The following SPTLC2 variants were observed in gnomAD, a reference collection of about 807,000 sequenced individuals.
The protein encoded by SPTLC2 is serine palmitoyltransferase long chain base subunit 2.
SPTLC2 carries 21 observed loss-of-function variants against 62.0 expected under a neutral mutation model. The observed-to-expected ratio is 0.34, with a 90% CI of 0.24 to 0.49. The LOEUF is 0.49. Among genes scored for constraint, SPTLC2 ranks in the 20% least tolerant of loss-of-function variants. The probability of loss-of-function intolerance (pLI) is 0.99; values close to 1 mark genes in which losing one functional copy is unlikely to be tolerated. For synonymous variants in SPTLC2, 261 were observed against 261.8 expected (o/e 1.00, Z 0.03); for missense variants, 511 against 713.0 (o/e 0.72, Z 3.23).
chr14:77,522,061 G>A lies in SPTLC2; in HGVS notation c.1304-480C>T, dbSNP rs144846547. The stretch of plus-strand genomic sequence containing the variant: ...AAGATTCATTCTAATTAACTGTGCT[G>A]CAAATAAATTTTACACATAAGACCA... On this transcript the variant is annotated intron_variant, in intron 9 of 11. Coordinates refer to ENST00000216484, the MANE Select transcript of SPTLC2 (RefSeq NM_004863.4). Among the ~76,000 whole-genome samples, 702 of 152,312 alleles carry A rather than the reference G, an allele frequency of 4.6e-3. 1 individual carries two copies. The highest frequency in any genetic ancestry group is 7.8e-3 in the Non-Finnish European group (529 of 68,022).
At chr14:77,585,847 G>A (rs2079777999) in intron 2 of SPTLC2, among the ~76,000 whole-genome samples, 1 of 152,090 alleles carries the variant, frequency 6.6e-6, no homozygotes, top group Non-Finnish European at 1.5e-5. Flanking sequence ...TTTCTCACTA[G>A]GACATCCACT....
chr14:77,539,472 A>G (rs1435240845), intron 9 of SPTLC2, among the ~76,000 whole-genome samples: 1 of 136,408 alleles, frequency 7.3e-6, no homozygotes, highest in African/African-American at 2.6e-5. Flanking sequence ...TGAAAATTTT[A>G]TCTTAAGAGG....
Position 77,512,334 on chromosome 14 carries a change from G to A in SPTLC2, c.1639C>T (p.Leu547=). The A allele has an allele frequency of 6.2e-7, 1 of 1,614,216 alleles. No individual in the cohort carries two copies. The highest frequency in any genetic ancestry group is 8.5e-7 in the Non-Finnish European group (1 of 1,180,046). ...GTCTCGTCAAAGGGCCTGTCCAGTA[G>A]AGGTACCAACCGATGACGGGAATAC... ...LKYSRHRLVP[L]LDRPFDETTY... is the part of the protein sequence containing the mutation. Residue 547 remains leucine, a synonymous_variant, in exon 12 of 12, where the codon CTA becomes TTA. Coordinates refer to ENST00000216484, the MANE Select transcript of SPTLC2 (RefSeq NM_004863.4).
intron 9 of SPTLC2, among the ~76,000 whole-genome samples, chr14:77,533,501 G>A (rs2079452008): frequency 6.6e-6 from 1 of 152,084 alleles, no homozygotes; most frequent in African/African-American, 2.4e-5. Context: ...AGAATGTTTT[G>A]ACTTCATTTT....
chr14:77,560,228 T>C (rs1358760806), intron 6 of SPTLC2, among the ~76,000 whole-genome samples: 1 of 152,282 alleles, frequency 6.6e-6, no homozygotes, highest in East Asian at 1.9e-4. Flanking sequence ...GTATGTTCAT[T>C]GTAGCACTAT....
At position 77,512,176 on chromosome 14, in the gene SPTLC2, G is replaced by C; in HGVS notation, c.*108C>G. ...GGCCACCTTCAGTAGCTGAGGCAAT[G>C]TCTTTCACGTGAGATGGCCACAGAA... On this transcript the variant is annotated 3_prime_UTR_variant, in exon 12 of 12. Transcript: ENST00000216484. 6.6e-7 allele frequency: 1 copy of C among 1,521,860 alleles called. No homozygotes were observed. The highest frequency in any genetic ancestry group is 9.1e-7 in the Non-Finnish European group (1 of 1,100,572). 94.3% of individuals were successfully genotyped at this position (1,521,860 alleles called of 1,614,324 possible). A position where few individuals can be genotyped will look rare whatever the true frequency, so the allele number is the denominator to read the frequency against.
chr14:77,562,623 TAAG>T (rs1481604927), intron 5 of SPTLC2, 134 bp from the exon 6 acceptor site: 1 of 689,980 alleles, frequency 1.4e-6, no homozygotes, highest in Non-Finnish European at 2.5e-6. Flanking sequence ...TGATCAATTT[TAAG>T]AAGAGGAAAA....
At chr14:77,591,692 C>CTGTATGTATGTATGTATGTA (rs147430744) in intron 2 of SPTLC2, among the ~76,000 whole-genome samples, 8 of 130,350 alleles carry the variant, frequency 6.1e-5, no homozygotes, top group Admixed American at 2.3e-4. Flanking sequence ...TAGTGCTCTT[C>CTGTATGTATGTATGTATGTA]TGTATGTATG....
chr14:77,564,179 C>A (rs1474757972), intron 5 of SPTLC2, among the ~76,000 whole-genome samples: 4 of 143,044 alleles, frequency 2.8e-5, no homozygotes, highest in Non-Finnish European at 6.0e-5. Context: ...AGGCAGTGAG[C>A]CGAAATTGTG....
chr14:77,513,005 G>A (rs1362516648), intron 11 of SPTLC2, among the ~76,000 whole-genome samples: 12 of 120,788 alleles, frequency 9.9e-5, no homozygotes, highest in African/African-American at 3.5e-4. Flanking sequence ...GTAAGCCAAC[G>A]AACCCAGCAA....
chr14:77,589,353 A>G (rs971638002), intron 2 of SPTLC2, among the ~76,000 whole-genome samples: 10 of 152,088 alleles, frequency 6.6e-5, no homozygotes, highest in African/African-American at 2.4e-4. Flanking sequence ...TTTTTCCTAC[A>G]TCTAAAACAG....
At position 77,513,199 on chromosome 14, in the gene SPTLC2, C is replaced by T. The variant is rs772097979; in HGVS notation, c.1570-796G>A. On this transcript the variant is annotated intron_variant, in intron 11 of 11. Coordinates refer to ENST00000216484, the MANE Select transcript of SPTLC2 (RefSeq NM_004863.4). ...GCCATCACACCCAGCTAATTTTTGTCCAGACAGGGTTTTGCCATGTTGGCC... is the reference window on the plus strand; with the variant it reads ...GCCATCACACCCAGCTAATTTTTGTTCAGACAGGGTTTTGCCATGTTGGCC... 1.0e-3 allele frequency among the ~76,000 whole-genome samples: 150 copies of T among 148,606 alleles called. 3 individuals are homozygous for T. Among genetic ancestry groups the T allele is most frequent in the Non-Finnish European group, 2.4e-4 (16 of 66,938 alleles).
chr14:77,540,567 T>C (rs545324686), intron 9 of SPTLC2, among the ~76,000 whole-genome samples: 1 of 152,254 alleles, frequency 6.6e-6, no homozygotes, highest in East Asian at 1.9e-4. Context: ...CTCTGCTTCC[T>C]GGGTTCAAGT....
intron 6 of SPTLC2, among the ~76,000 whole-genome samples, chr14:77,559,192 G>T (rs1322435420): frequency 1.3e-5 from 2 of 152,022 alleles, no homozygotes; most frequent in South Asian, 4.1e-4. Context: ...TTGTGGTGGT[G>T]GGCACCTGTA....
At position 77,616,437 on chromosome 14, in the gene SPTLC2, GC is replaced by G. The variant is rs1012404041; in HGVS notation, c.132+10del. 4.3e-5 allele frequency: 62 copies of G among 1,434,878 alleles called. No homozygotes were observed. The African/African-American group carries it at 8.0e-4, about 19-fold the overall frequency. The allele number at this position is 1,434,878 out of a possible 1,614,324, so 88.9% of individuals were successfully genotyped here. A position where few individuals can be genotyped will look rare whatever the true frequency, so the allele number is the denominator to read the frequency against. On this transcript the variant is annotated intron_variant, in intron 1 of 11. Coordinates refer to ENST00000216484, the MANE Select transcript of SPTLC2 (RefSeq NM_004863.4). ...CCGCCACCCCGGCCCCGCCGCGCGG[GC>G]CCCTCGTACCTGGCCGGCGGCGGCT...
chr14:77,587,182 C>G (rs531835562), intron 2 of SPTLC2, among the ~76,000 whole-genome samples: 1 of 152,002 alleles, frequency 6.6e-6, no homozygotes, highest in East Asian at 1.9e-4. Flanking sequence ...GAGCTGAGAT[C>G]ACGCCACTGC....
chr14:77,570,084 G>A (rs1051871159), intron 5 of SPTLC2, among the ~76,000 whole-genome samples: 5 of 150,876 alleles, frequency 3.3e-5, no homozygotes, highest in East Asian at 3.9e-4. Flanking sequence ...TTAGCCAGGC[G>A]TGGTGGCACA....
chr14:77,529,620 C>CTTTCTTTCTTTTTTTTTTTTTTTTTTTT (rs1555373703), intron 9 of SPTLC2, among the ~76,000 whole-genome samples: 1 of 76,048 alleles, frequency 1.3e-5, no homozygotes, highest in African/African-American at 4.1e-5. Flanking sequence ...TTCTTTCTTT[C>CTTTCTTTCTTTTTTTTTTTTTTTTTTTT]TTTTTTTTTT....
intron 10 of SPTLC2, among the ~76,000 whole-genome samples, chr14:77,520,541 G>A (rs549578024): frequency 1.6e-4 from 24 of 152,292 alleles, no homozygotes; most frequent in African/African-American, 5.8e-4. Context: ...CATCCAACAA[G>A]ATGTGCCTTT....
Sources: allele counts gnomAD v4.1 joint callset (sites outside exome capture counted in the v4.1 genomes callset), GRCh38; gene constraint gnomAD v4.1.1; transcripts MANE v1.5; gene names NCBI Gene and HGNC (gene_info 2026-07-23, HGNC 2026-07-21).